Variants in CTNNA3 observed in about 807,000 individuals in gnomAD.
CTNNA3 encodes catenin alpha 3.
A neutral mutation model predicts 95.7 loss-of-function variants in CTNNA3; 76 were observed. That is an observed-to-expected ratio of 0.79 (90% confidence interval 0.66 to 0.96). The LOEUF is 0.96. Ranked by LOEUF, CTNNA3 falls within the 40% of genes least tolerant of loss-of-function variation. The pLI is 0.00. For missense variants in CTNNA3, 1,191 were observed against 1,089.8 expected (o/e 1.09, Z -1.31); for synonymous variants, 431 against 374.4 (o/e 1.15, Z -1.74).
At chr10:67,198,835 C>A (rs1161117829) in intron 6 of CTNNA3, among the ~76,000 whole-genome samples, 1 of 152,168 alleles carries the variant, frequency 6.6e-6, no homozygotes, top group African/African-American at 2.4e-5. Flanking sequence ...AAATGTTAAA[C>A]CAACATCATT....
At chr10:66,931,345 C>A (rs1381424454) in intron 7 of CTNNA3, among the ~76,000 whole-genome samples, 1 of 152,130 alleles carries the variant, frequency 6.6e-6, no homozygotes, top group Non-Finnish European at 1.5e-5. Flanking sequence ...CATAGTGCTA[C>A]CACAGCATGT....
intron 5 of CTNNA3, among the ~76,000 whole-genome samples, chr10:67,391,276 C>A (rs1361741134): frequency 6.6e-6 from 1 of 151,194 alleles, no homozygotes; most frequent in African/African-American, 2.5e-5. Context: ...CAAACAGAGA[C>A]CCAAATCATG....
chr10:66,840,488 T>G (rs1264635057), intron 7 of CTNNA3, among the ~76,000 whole-genome samples: 3 of 151,886 alleles, frequency 2.0e-5, no homozygotes, highest in Non-Finnish European at 4.4e-5. Context: ...TCACCTATAT[T>G]TTATTTGCTT....
At chr10:65,996,476 T>C (rs2078662671) in intron 15 of CTNNA3, among the ~76,000 whole-genome samples, 1 of 152,042 alleles carries the variant, frequency 6.6e-6, no homozygotes, top group South Asian at 2.1e-4. Flanking sequence ...GTTCTAGGGA[T>C]GTAGGAATGC....
chr10:67,538,591 GA>G (rs1840563613), intron 4 of CTNNA3, among the ~76,000 whole-genome samples: 1 of 147,758 alleles, frequency 6.8e-6, no homozygotes, highest in Non-Finnish European at 1.5e-5. Context: ...AAAAAAAAAA[GA>G]AAAAAGGAAA....
intron 13 of CTNNA3, among the ~76,000 whole-genome samples, chr10:66,180,398 A>G (rs2085977480): frequency 6.6e-6 from 1 of 152,194 alleles, no homozygotes; most frequent in Admixed American, 6.5e-5. Flanking sequence ...TAAAGATGTC[A>G]GAGGTCAGTA....
chr10:66,538,453 C>G (rs890793006), intron 10 of CTNNA3, among the ~76,000 whole-genome samples: 1 of 152,074 alleles, frequency 6.6e-6, no homozygotes, highest in Non-Finnish European at 1.5e-5. Flanking sequence ...GACTTTGGAT[C>G]TATGGAATTT....
chr10:66,841,208 AAG>A (rs1286428209), intron 7 of CTNNA3, among the ~76,000 whole-genome samples: 1 of 152,186 alleles, frequency 6.6e-6, no homozygotes, highest in Non-Finnish European at 1.5e-5. Context: ...ACTGGTCTTT[AAG>A]TGCTTTAGAA....
chr10:67,073,201 G>A (rs960705930), intron 7 of CTNNA3, among the ~76,000 whole-genome samples: 13 of 152,008 alleles, frequency 8.6e-5, no homozygotes, highest in African/African-American at 3.1e-4. Context: ...TATTTGGTTT[G>A]TACAGAAAAA....
intron 7 of CTNNA3, among the ~76,000 whole-genome samples, chr10:67,060,549 C>A (rs1434783988): frequency 6.6e-6 from 1 of 152,194 alleles, no homozygotes; most frequent in East Asian, 1.9e-4. Context: ...TAGGCAGCAC[C>A]AGATAACACA....
At chr10:67,252,774 C>A (rs565857354) in intron 5 of CTNNA3, among the ~76,000 whole-genome samples, 6 of 152,178 alleles carry the variant, frequency 3.9e-5, no homozygotes, top group African/African-American at 1.2e-4. Flanking sequence ...TGCTGAAATT[C>A]TCAAATAAAC....
At chr10:66,077,635 A>C (rs1367459016) in intron 14 of CTNNA3, among the ~76,000 whole-genome samples, 2 of 151,812 alleles carry the variant, frequency 1.3e-5, no homozygotes, top group African/African-American at 4.8e-5. Context: ...ATTTACACTT[A>C]AGTGTGGCTG....
chr10:66,252,490 GA>G (rs1172629044), intron 13 of CTNNA3, among the ~76,000 whole-genome samples: 1 of 152,180 alleles, frequency 6.6e-6, no homozygotes, highest in Non-Finnish European at 1.5e-5. Context: ...GAAGAAAAGA[GA>G]TTTAAAGTCA....
chr10:67,378,843 G>T (rs1843798902), intron 5 of CTNNA3, among the ~76,000 whole-genome samples: 1 of 151,920 alleles, frequency 6.6e-6, no homozygotes, highest in African/African-American at 2.4e-5. Context: ...TTATTTAGTT[G>T]CTATCATAAT....
chr10:66,945,658 C>T (rs1033277477), intron 7 of CTNNA3, among the ~76,000 whole-genome samples: 3 of 152,164 alleles, frequency 2.0e-5, no homozygotes, highest in African/African-American at 7.2e-5. Context: ...GCAAAAGAGG[C>T]CTAGCTTTCA....
rs1350289763 is a variant in CTNNA3, at chr10:65,920,392, C to T, written c.2626G>A (p.Ala876Thr). ...TGCAATGGATGGATTTTTTTCTTTG[C>T]TGAGCCTCGTCTGACAGCTGCACAC... ...ETCAAVRRGS[A>T]KKKIHPLQVM... Residue 876 changes from alanine to threonine, a missense_variant, in exon 18 of 18, where the codon GCA becomes ACA. Ala to Thr is a moderately conservative substitution (Grantham distance 58). Transcript: ENST00000433211. 1 of 1,613,900 alleles carries T rather than the reference C, an allele frequency of 6.2e-7. No individual in the cohort carries two copies. Among genetic ancestry groups the T allele is most frequent in the Admixed American group, 1.7e-5 (1 of 59,978 alleles).
chr10:66,346,211 G>GTATATA (rs368554085), intron 12 of CTNNA3, among the ~76,000 whole-genome samples: 130 of 105,416 alleles, frequency 1.2e-3, no homozygotes, highest in Middle Eastern at 6.2e-3. Context: ...ATGTGTGTGT[G>GTATATA]TATATATATA....
At chr10:67,036,274 G>C (rs1854047303) in intron 7 of CTNNA3, among the ~76,000 whole-genome samples, 1 of 151,110 alleles carries the variant, frequency 6.6e-6, no homozygotes, top group East Asian at 1.9e-4. Context: ...ACCACACCCA[G>C]CTTTTTTTTT....
chr10:66,435,121 T>C (rs1374429640), intron 11 of CTNNA3, among the ~76,000 whole-genome samples: 1 of 152,172 alleles, frequency 6.6e-6, no homozygotes, highest in East Asian at 1.9e-4. Context: ...TTTTGTTGTG[T>C]TTCTGCCAGG....
Sources: allele counts gnomAD v4.1 joint callset (sites outside exome capture counted in the v4.1 genomes callset), GRCh38; gene constraint gnomAD v4.1.1; transcripts MANE v1.5; gene names NCBI Gene and HGNC (gene_info 2026-07-23, HGNC 2026-07-21).